The following ATG10 variants were observed in gnomAD, a reference collection of about 807,000 sequenced individuals.
ATG10 encodes the protein ubiquitin-like-conjugating enzyme ATG10.
In ATG10, 30 loss-of-function variants were observed where a neutral mutation model predicts 32.1. That is an observed-to-expected ratio of 0.94 (90% CI 0.70 to 1.27). The LOEUF (loss-of-function observed/expected upper bound fraction) is 1.27. Ranked by LOEUF, ATG10 falls within the 50% of genes most tolerant of loss-of-function variation. ATG10 has a pLI of 0.00. For missense variants in ATG10, 233 were observed against 262.3 expected, an observed-to-expected ratio of 0.89 and a Z score of 0.77; for synonymous variants, 87 against 91.5, an observed-to-expected ratio of 0.95 and a Z score of 0.28.
At chr5:82,226,707 G>A (rs994737289) in intron 5 of ATG10, among the ~76,000 whole-genome samples, 4 of 152,060 alleles carry the variant, frequency 2.6e-5, no homozygotes, top group Admixed American at 6.6e-5. Flanking sequence ...TTCATTATTA[G>A]GAAATGATTT....
At chr5:82,004,139 A>T (rs200888547) in intron 2 of ATG10, among the ~76,000 whole-genome samples, 1 of 36 alleles carries the variant, frequency 0.028, no homozygotes, top group Non-Finnish European at 0.056. Context: ...CTCCGTCTCA[A>T]AAAAAAAAAA....
chr5:82,010,776 A>G (rs1053389628), intron 2 of ATG10, among the ~76,000 whole-genome samples: 1 of 152,194 alleles, frequency 6.6e-6, no homozygotes, highest in Non-Finnish European at 1.5e-5. Flanking sequence ...TCCAATATTT[A>G]TGGCTTCATT....
At chr5:82,180,959 T>C (rs1744206980) in intron 5 of ATG10, among the ~76,000 whole-genome samples, 1 of 152,164 alleles carries the variant, frequency 6.6e-6, no homozygotes. Flanking sequence ...GATAGAACTC[T>C]TACATTGTTA....
rs6879353 is a variant in ATG10, at chr5:82,230,967, A to G, written c.454-21595A>G. Among the ~76,000 whole-genome samples, 905 of 152,284 alleles carry G rather than the reference A, an allele frequency of 5.9e-3. 8 individuals are homozygous for G. Among genetic ancestry groups the G allele is most frequent in the African/African-American group, 0.021 (854 of 41,552 alleles). ...CACTATGTGCATAACTGATAGATAG[A>G]TAGATAGCTATTAATAAAATTTGAG... On this transcript the variant is annotated intron_variant, in intron 5 of 7. Transcript: ENST00000282185.
At chr5:82,117,163 G>T (rs1561306679) in intron 3 of ATG10, among the ~76,000 whole-genome samples, 1 of 152,028 alleles carries the variant, frequency 6.6e-6, no homozygotes, top group Non-Finnish European at 1.5e-5. Context: ...TTTTATTTTA[G>T]TTGAGTAAAC....
At chr5:82,036,043 A>AT in intron 2 of ATG10, among the ~76,000 whole-genome samples, 1 of 152,010 alleles carries the variant, frequency 6.6e-6, no homozygotes, top group Non-Finnish European at 1.5e-5. Flanking sequence ...TATAATTTTA[A>AT]TTTTTGTATT....
intron 3 of ATG10, 97 bp from the exon 4 acceptor site, chr5:82,164,302 T>C: frequency 8.2e-7 from 1 of 1,217,482 alleles, no homozygotes; most frequent in Non-Finnish European, 1.2e-6. Flanking sequence ...TTTATTTAAC[T>C]GTTATTTTGT....
intron 3 of ATG10, among the ~76,000 whole-genome samples, chr5:82,072,711 C>T (rs1764167023): frequency 6.6e-6 from 1 of 152,070 alleles, no homozygotes; most frequent in Admixed American, 6.6e-5. Context: ...TCTTATTGGA[C>T]ACAAGATCTT....
intron 2 of ATG10, among the ~76,000 whole-genome samples, chr5:82,029,057 T>A (rs1396127585): frequency 1.3e-5 from 2 of 152,228 alleles, no homozygotes. Context: ...TTCAATTGTA[T>A]TCACAATTTA....
chr5:82,002,027 A>G (rs902006443), intron 2 of ATG10, among the ~76,000 whole-genome samples: 3 of 152,246 alleles, frequency 2.0e-5, no homozygotes, highest in Non-Finnish European at 2.9e-5. Context: ...GCCAAGAAGC[A>G]TATGAGGAAA....
intron 3 of ATG10, among the ~76,000 whole-genome samples, chr5:82,130,506 G>T (rs1317639044): frequency 6.6e-6 from 1 of 152,142 alleles, no homozygotes; most frequent in Non-Finnish European, 1.5e-5. Flanking sequence ...TGGTCTGTGG[G>T]TTGCCAAGAC....
At chr5:82,147,240 C>T (rs564481387) in intron 3 of ATG10, 54 of 237,184 alleles carry the variant, frequency 2.3e-4, no homozygotes, top group South Asian at 2.1e-3. Context: ...GTGATCTCAG[C>T]TCACTGCAAC....
intron 3 of ATG10, among the ~76,000 whole-genome samples, chr5:82,121,948 T>C (rs939554661): frequency 6.6e-6 from 1 of 151,028 alleles, no homozygotes; most frequent in African/African-American, 2.4e-5. Flanking sequence ...GAAGTTTTTT[T>C]TTTTTTTTTT....
intron 3 of ATG10, among the ~76,000 whole-genome samples, chr5:82,125,554 T>C (rs367571927): frequency 3.2e-4 from 48 of 152,356 alleles, no homozygotes; most frequent in African/African-American, 1.1e-3. Flanking sequence ...TGCTTGTTTT[T>C]GTCAGGTTTG....
chr5:82,061,062 C>T (rs1763753230), intron 3 of ATG10, among the ~76,000 whole-genome samples: 1 of 152,028 alleles, frequency 6.6e-6, no homozygotes, highest in Admixed American at 6.6e-5. Flanking sequence ...TTGCTTGGTC[C>T]AGTGATTTCA....
chr5:82,183,466 T>C (rs1744316482), intron 5 of ATG10, among the ~76,000 whole-genome samples: 1 of 152,142 alleles, frequency 6.6e-6, no homozygotes, highest in Admixed American at 6.6e-5. Flanking sequence ...AACTGGTAGT[T>C]AGATCTTGAG....
At chr5:82,115,032 G>A in intron 3 of ATG10, among the ~76,000 whole-genome samples, 1 of 152,024 alleles carries the variant, frequency 6.6e-6, no homozygotes, top group East Asian at 1.9e-4. Context: ...ATAGTCATGT[G>A]TGACTAGTGG....
intron 5 of ATG10, among the ~76,000 whole-genome samples, chr5:82,215,376 G>C (rs979614591): frequency 6.4e-4 from 98 of 152,150 alleles, no homozygotes; most frequent in Non-Finnish European, 2.1e-4. Flanking sequence ...CATCACTTTA[G>C]CCATATTCTA....
At chr5:82,171,743 CAATT>C (rs1353554338) in intron 4 of ATG10, among the ~76,000 whole-genome samples, 1 of 152,150 alleles carries the variant, frequency 6.6e-6, no homozygotes, top group Non-Finnish European at 1.5e-5. Context: ...AACATTTAAT[CAATT>C]AATTTTATTA....
Sources: gnomAD v4.1 joint callset for allele counts (sites outside exome capture counted in the v4.1 genomes callset) on GRCh38, gnomAD v4.1.1 for gene constraint, MANE v1.5 for transcripts, NCBI Gene and HGNC (gene_info 2026-07-23, HGNC 2026-07-21) for gene names.